The following ATP8A2 variants were observed in gnomAD, a reference collection of about 807,000 sequenced individuals.
ATP8A2 encodes ATPase phospholipid transporting 8A2, also known as phospholipid-transporting ATPase IB.
ATP8A2 carries 100 observed loss-of-function variants against 165.6 expected under a neutral mutation model. The observed-to-expected ratio is 0.60, with a 90% CI of 0.51 to 0.71. ATP8A2 has a LOEUF of 0.71. Among genes scored for constraint, ATP8A2 ranks in the 30% least tolerant of loss-of-function variants. The pLI, the probability that ATP8A2 is intolerant of heterozygous loss-of-function variation, is 0.00. For synonymous variants in ATP8A2, 543 were observed against 548.8 expected (o/e 0.99, Z 0.15); for missense variants, 1,227 against 1,479.5 (o/e 0.83, Z 2.80).
chr13:25,638,449 A>G (rs2041427804), intron 24 of ATP8A2, among the ~76,000 whole-genome samples: 1 of 152,234 alleles, frequency 6.6e-6, no homozygotes, highest in Non-Finnish European at 1.5e-5. Context: ...CACGAGAACT[A>G]TGTGACGAAT....
intron 2 of ATP8A2, among the ~76,000 whole-genome samples, chr13:25,483,767 C>T (rs1390288333): frequency 6.6e-6 from 1 of 152,134 alleles, no homozygotes; most frequent in Non-Finnish European, 1.5e-5. Context: ...GAGAATGTAC[C>T]TGTTTAAGGC....
intron 35 of ATP8A2, among the ~76,000 whole-genome samples, chr13:25,985,922 T>C (rs1956273316): frequency 6.6e-6 from 1 of 152,064 alleles, no homozygotes; most frequent in Non-Finnish European, 1.5e-5. Flanking sequence ...AGGGAAGAAA[T>C]GGATGTTGGA....
chr13:25,479,927 A>G (rs1440517990), intron 2 of ATP8A2, among the ~76,000 whole-genome samples: 3 of 152,106 alleles, frequency 2.0e-5, no homozygotes, highest in East Asian at 3.9e-4. Flanking sequence ...CGATTTCTCA[A>G]TCTTTTCCCC....
chr13:25,505,742 A>G (rs1017577174), intron 2 of ATP8A2, among the ~76,000 whole-genome samples: 4 of 152,240 alleles, frequency 2.6e-5, no homozygotes, highest in Non-Finnish European at 4.4e-5. Flanking sequence ...TGATGGCTCT[A>G]CATAACTTAT....
intron 25 of ATP8A2, among the ~76,000 whole-genome samples, chr13:25,740,263 C>A (rs919349307): frequency 1.4e-5 from 2 of 145,924 alleles, no homozygotes; most frequent in African/African-American, 2.6e-5. Flanking sequence ...GAGCTGAGAT[C>A]GCGCCACTGC....
At chr13:25,730,135 C>CA (rs1476947814) in intron 25 of ATP8A2, among the ~76,000 whole-genome samples, 2 of 151,976 alleles carry the variant, frequency 1.3e-5, no homozygotes, top group Admixed American at 6.6e-5. Flanking sequence ...ACAAAAAATA[C>CA]AAAAAATTAA....
intron 33 of ATP8A2, chr13:25,871,321 A>G: frequency 4.2e-6 from 1 of 235,474 alleles, no homozygotes; most frequent in Non-Finnish European, 8.6e-6. Context: ...TATGTGGGCC[A>G]CTCTTATTAA....
At chr13:25,530,191 C>A in intron 3 of ATP8A2, 93 bp downstream of exon 3, 1 of 773,900 alleles carries the variant, frequency 1.3e-6, no homozygotes, top group South Asian at 1.7e-5. Context: ...GTGTTATAAT[C>A]TTGGAATATA....
chr13:25,614,487 A>C (rs899643713), intron 24 of ATP8A2, among the ~76,000 whole-genome samples: 1 of 152,264 alleles, frequency 6.6e-6, no homozygotes, highest in Admixed American at 6.5e-5. Flanking sequence ...GTAGCTAAAT[A>C]AGCAACCTTC....
At chr13:25,420,779 T>A (rs1362355952) in intron 1 of ATP8A2, among the ~76,000 whole-genome samples, 1 of 152,238 alleles carries the variant, frequency 6.6e-6, no homozygotes, top group Non-Finnish European at 1.5e-5. Context: ...GGAATATTGA[T>A]GGTAGGAATC....
At position 26,023,551 on chromosome 13, in the gene ATP8A2, T is replaced by A. The variant is rs1231300229; in HGVS notation, c.*3566T>A. ...CATATGTATGTAAATATTACAGGAT[T>A]TAAGGTTGAATTTTTTAAAAAGAAA... On this transcript the variant is annotated 3_prime_UTR_variant, in exon 37 of 37. Coordinates refer to ENST00000381655, the MANE Select transcript of ATP8A2 (RefSeq NM_016529.6). 1.3e-5 allele frequency: 2 copies of A among 152,222 alleles called. No homozygotes were observed. Among genetic ancestry groups the A allele is most frequent in the Non-Finnish European group, 2.9e-5 (2 of 68,044 alleles). 9.4% of individuals were successfully genotyped at this position (152,222 alleles called of 1,614,324 possible).
chr13:25,877,762 A>G (rs987905501), intron 33 of ATP8A2, among the ~76,000 whole-genome samples: 1 of 152,232 alleles, frequency 6.6e-6, no homozygotes, highest in African/African-American at 2.4e-5. Flanking sequence ...TTACTGCCAA[A>G]ATCACCATTG....
intron 1 of ATP8A2, among the ~76,000 whole-genome samples, chr13:25,392,680 A>G (rs771639687): frequency 1.3e-5 from 2 of 152,214 alleles, no homozygotes; most frequent in African/African-American, 4.8e-5. Flanking sequence ...TCTTACAAAA[A>G]CAAGACCTTA....
At chr13:25,400,350 A>G (rs1313481154) in intron 1 of ATP8A2, among the ~76,000 whole-genome samples, 1 of 152,084 alleles carries the variant, frequency 6.6e-6, no homozygotes, top group Non-Finnish European at 1.5e-5. Flanking sequence ...ACTGAAATAA[A>G]TTTTCCACTT....
Position 25,759,323 on chromosome 13 carries a change from T to C in ATP8A2, c.2385-9723T>C, listed in dbSNP as rs138455797. On this transcript the variant is annotated intron_variant, in intron 25 of 36. Transcript: ENST00000381655. The stretch of plus-strand genomic sequence containing the variant: ...AAAACCATCCAATATATTAAGCATC[T>C]CCGTTGTCATTAATTTTCAGCCGTG... Among the ~76,000 whole-genome samples the C allele has an allele frequency of 3.5e-3, 540 of 152,258 alleles. 3 individuals are homozygous for C. Among genetic ancestry groups the C allele is most frequent in the Non-Finnish European group, 5.7e-3 (389 of 68,018 alleles).
chr13:25,609,534 G>GGGATTCAAATATATATGTATATATTT (rs2040604599), intron 24 of ATP8A2, among the ~76,000 whole-genome samples: 1 of 42,218 alleles, frequency 2.4e-5, no homozygotes, highest in Non-Finnish European at 7.2e-5. Context: ...ATATATATTT[G>GGGATTCAAATATATATGTATATATTT]GGATTCAAAT....
At chr13:25,892,489 T>C (rs1207621449) in intron 33 of ATP8A2, among the ~76,000 whole-genome samples, 1 of 151,388 alleles carries the variant, frequency 6.6e-6, no homozygotes, top group Non-Finnish European at 1.5e-5. Flanking sequence ...TCTCTCTCTC[T>C]CTCTCTCTCT....
chr13:25,878,138 C>T (rs1024938572), intron 33 of ATP8A2, among the ~76,000 whole-genome samples: 2 of 152,140 alleles, frequency 1.3e-5, no homozygotes, highest in African/African-American at 2.4e-5. Context: ...AAGAAGACAA[C>T]TCGGGAAGTG....
intron 1 of ATP8A2, among the ~76,000 whole-genome samples, chr13:25,408,456 C>A (rs1333965648): frequency 1.3e-5 from 2 of 151,904 alleles, no homozygotes; most frequent in Non-Finnish European, 2.9e-5. Flanking sequence ...TTCCCACAGA[C>A]AGGATGGTGA....
Sources: allele counts gnomAD v4.1 joint callset (sites outside exome capture counted in the v4.1 genomes callset), GRCh38; gene constraint gnomAD v4.1.1; transcripts MANE v1.5; gene names NCBI Gene and HGNC (gene_info 2026-07-23, HGNC 2026-07-21).